Variants in PDE5A observed in about 807,000 individuals in gnomAD.
The protein encoded by PDE5A is cGMP-specific 3',5'-cyclic phosphodiesterase.
A neutral mutation model predicts 110.2 loss-of-function variants in PDE5A; 67 were observed. The observed-to-expected ratio is 0.61, with a 90% confidence interval of 0.50 to 0.75. The LOEUF is 0.75. Ranked by LOEUF, PDE5A falls within the 30% of genes least tolerant of loss-of-function variation. The pLI is 0.00. For synonymous variants in PDE5A, 328 were observed against 351.2 expected, an observed-to-expected ratio of 0.93 and a Z score of 0.74; for missense variants, 862 against 1,045.1, an observed-to-expected ratio of 0.82 and a Z score of 2.42.
chr4:119,595,934 T>C (rs1729137234), intron 3 of PDE5A, among the ~76,000 whole-genome samples: 1 of 152,208 alleles, frequency 6.6e-6, no homozygotes, highest in Admixed American at 6.5e-5. Context: ...TCAATTGAAA[T>C]ATTCAGTTTA....
intron 3 of PDE5A, among the ~76,000 whole-genome samples, chr4:119,588,170 C>CTT (rs11297755): frequency 1.8e-4 from 23 of 129,060 alleles, no homozygotes; most frequent in East Asian, 2.3e-4. Flanking sequence ...CCAATTTTTT[C>CTT]TTTTTTTTTT....
chr4:119,558,116 T>C (rs1039843697), intron 7 of PDE5A, among the ~76,000 whole-genome samples: 6 of 152,148 alleles, frequency 3.9e-5, no homozygotes, highest in Admixed American at 2.6e-4. Context: ...ATTGGGTGGC[T>C]CTTGAATTGA....
At chr4:119,539,223 T>G in intron 10 of PDE5A, 1 of 495,158 alleles carries the variant, frequency 2.0e-6, no homozygotes, top group Non-Finnish European at 3.7e-6. Flanking sequence ...AAAGTTATAC[T>G]CCCTATGTTT....
At chr4:119,594,528 T>C (rs1181070570) in intron 3 of PDE5A, among the ~76,000 whole-genome samples, 1 of 152,230 alleles carries the variant, frequency 6.6e-6, no homozygotes, top group Non-Finnish European at 1.5e-5. Context: ...AATTTCTTAG[T>C]ATAATGATGT....
rs1362209350 is a variant in PDE5A at position 119,628,475 on chromosome 4, G to A, written c.152+45C>T. 2.7e-6 allele frequency: 4 copies of A among 1,474,080 alleles called. No individual in the cohort carries two copies. The East Asian group carries it at 9.2e-5, about 34-fold the overall frequency. 91.3% of individuals were successfully genotyped at this position (1,474,080 alleles called of 1,614,324 possible). Reference sequence around the variant, plus strand: ...GGTGAACGAAGGGCACAATTCAACAGGGGAGAGAAATCAGCCCCGGGTCTT... The same window carrying A: ...GGTGAACGAAGGGCACAATTCAACAAGGGAGAGAAATCAGCCCCGGGTCTT... On this transcript the variant is annotated intron_variant, in intron 1 of 20. Coordinates refer to ENST00000354960, the MANE Select transcript of PDE5A (RefSeq NM_001083.4).
intron 2 of PDE5A, 50 bp from the exon 3 acceptor site, chr4:119,596,662 G>A (rs773821386): frequency 9.5e-7 from 1 of 1,048,678 alleles, no homozygotes; most frequent in South Asian, 1.6e-5. Context: ...TTCAAAGATT[G>A]ATTTGATTTT....
intron 1 of PDE5A, among the ~76,000 whole-genome samples, chr4:119,616,495 A>G (rs928662966): frequency 6.6e-6 from 1 of 152,156 alleles, no homozygotes; most frequent in Non-Finnish European, 1.5e-5. Flanking sequence ...AACTGCTTAT[A>G]AAATAATGAT....
At position 119,525,455 on chromosome 4, in the gene PDE5A, C is replaced by G; in HGVS notation, c.1779+94G>C. The stretch of plus-strand genomic sequence containing the variant: ...TATTAATCACTAAAATGTAAAAATC[C>G]CTATTCCATATTTGCATTCAAAACC... On this transcript the variant is annotated intron_variant, in intron 12 of 20. Transcript: ENST00000354960. This position sits in a 1 kb window ranked among gnomAD's most constrained non-coding sequence, Gnocchi z 4.3. The G allele has an allele frequency of 8.6e-7, 1 of 1,168,786 alleles. No homozygotes were observed. Among genetic ancestry groups the G allele is most frequent in the Non-Finnish European group, 1.2e-6 (1 of 831,384 alleles). The allele number at this position is 1,168,786 out of a possible 1,614,324, so 72.4% of individuals were successfully genotyped here. A position where few individuals can be genotyped will look rare whatever the true frequency, so the allele number is the denominator to read the frequency against.
intron 11 of PDE5A, among the ~76,000 whole-genome samples, chr4:119,532,734 G>C (rs946750114): frequency 2.0e-5 from 3 of 152,002 alleles, no homozygotes; most frequent in African/African-American, 7.2e-5. Context: ...ATTTTTAGTG[G>C]ATGCCTCATG....
chr4:119,551,539 A>T (rs908287879), intron 9 of PDE5A, among the ~76,000 whole-genome samples: 1 of 152,182 alleles, frequency 6.6e-6, no homozygotes, highest in African/African-American at 2.4e-5. Context: ...AATCTGATGC[A>T]TCCATTGCAC....
At position 119,627,960 on chromosome 4, in the gene PDE5A, G is replaced by C. The variant is rs200869759; in HGVS notation, c.152+560C>G. The stretch of plus-strand genomic sequence containing the variant: ...GAAAGGAGGCGCGCGGGACAAGCAG[G>C]AGACTGGAAGGGGGGAAAAGGCAAC... On this transcript the variant is annotated intron_variant, in intron 1 of 20. Coordinates refer to ENST00000354960, the MANE Select transcript of PDE5A (RefSeq NM_001083.4). This position sits in a 1 kb window ranked among gnomAD's most constrained non-coding sequence, Gnocchi z 4.6. 4.1e-6 allele frequency: 3 copies of C among 727,352 alleles called. No individual in the cohort carries two copies. In the South Asian group the frequency reaches 1.8e-4, roughly 45 times the overall value. 45.1% of individuals were successfully genotyped at this position (727,352 alleles called of 1,614,324 possible). A position where few individuals can be genotyped will look rare whatever the true frequency, so the allele number is the denominator to read the frequency against.
intron 3 of PDE5A, among the ~76,000 whole-genome samples, chr4:119,582,254 G>T (rs1728612110): frequency 6.6e-6 from 1 of 152,170 alleles, no homozygotes; most frequent in South Asian, 2.1e-4. Context: ...AGCATTTACA[G>T]CAGGGATAGA....
At chr4:119,511,432 C>G (rs1046763452) in intron 14 of PDE5A, among the ~76,000 whole-genome samples, 1 of 152,028 alleles carries the variant, frequency 6.6e-6, no homozygotes, top group Non-Finnish European at 1.5e-5. Flanking sequence ...ATTAATACCT[C>G]CAAACATGGA....
intron 7 of PDE5A, among the ~76,000 whole-genome samples, chr4:119,555,071 T>A: frequency 6.6e-6 from 1 of 152,148 alleles, no homozygotes. Context: ...CTTGGGACAG[T>A]GGTTTCATAT....
intron 7 of PDE5A, among the ~76,000 whole-genome samples, chr4:119,556,658 A>G (rs1463747048): frequency 1.3e-5 from 2 of 152,234 alleles, no homozygotes; most frequent in African/African-American, 4.8e-5. Context: ...GACAGGTAGC[A>G]CCTAAATGGA....
intron 7 of PDE5A, among the ~76,000 whole-genome samples, chr4:119,556,609 C>T (rs1727549286): frequency 6.6e-6 from 1 of 152,014 alleles, no homozygotes; most frequent in South Asian, 2.1e-4. Context: ...CTAAGTGATA[C>T]GGTGTAACAA....
chr4:119,600,881 T>TTA (rs1729320995), intron 2 of PDE5A, among the ~76,000 whole-genome samples: 1 of 152,192 alleles, frequency 6.6e-6, no homozygotes, highest in Admixed American at 6.5e-5. Flanking sequence ...ATATGATACT[T>TTA]ATTAATTACA....
At chr4:119,619,574 A>C (rs909260052) in intron 1 of PDE5A, among the ~76,000 whole-genome samples, 1 of 152,222 alleles carries the variant, frequency 6.6e-6, no homozygotes, top group Non-Finnish European at 1.5e-5. Context: ...AATAAAATTC[A>C]TCTAAAAAAT....
intron 18 of PDE5A, among the ~76,000 whole-genome samples, chr4:119,503,787 CTCTT>C (rs761255347): frequency 3.9e-5 from 6 of 152,020 alleles, no homozygotes; most frequent in South Asian, 2.1e-4. Flanking sequence ...TGTAGATGCT[CTCTT>C]TCTTAATATA....
Sources: allele counts gnomAD v4.1 joint callset (sites outside exome capture counted in the v4.1 genomes callset), GRCh38; gene constraint gnomAD v4.1.1; non-coding constraint Gnocchi (gnomAD v3.1); transcripts MANE v1.5; gene names NCBI Gene and HGNC (gene_info 2026-07-23, HGNC 2026-07-21).